Variants in CLPB observed in about 807,000 individuals in gnomAD.
The protein encoded by CLPB is mitochondrial disaggregase.
Under a neutral mutation model 78.4 loss-of-function variants are expected in CLPB, and 40 were observed. The ratio of observed to expected loss-of-function variants is 0.51; its 90% CI spans 0.40 to 0.66. CLPB has a LOEUF of 0.66. Among genes scored for constraint, CLPB ranks in the 30% least tolerant of loss-of-function variants. CLPB has a pLI of 0.00. For missense variants in CLPB, 780 were observed against 886.9 expected (o/e 0.88, Z 1.53); for synonymous variants, 333 against 348.0 (o/e 0.96, Z 0.48).
In CLPB at chr11:72,293,359, G is replaced by A. The variant is rs1159264841; in HGVS notation, c.*8C>T. The A allele has an allele frequency of 2.5e-6, 4 of 1,611,786 alleles. No individual in the cohort carries two copies. Among genetic ancestry groups the A allele is most frequent in the Non-Finnish European group, 3.4e-6 (4 of 1,178,122 alleles). ...TGGTGAGGGCACATAGGAGCAGGCA[G>A]GTGGCTGCTAGATGGTGTTGCACAC... On this transcript the variant is annotated 3_prime_UTR_variant, in exon 16 of 16. Coordinates refer to ENST00000538039, the MANE Select transcript of CLPB (RefSeq NM_001258392.3).
In CLPB at chr11:72,288,863, C is replaced by G. The variant is rs1235399848; in HGVS notation, c.*4504G>C. On this transcript the variant is annotated 3_prime_UTR_variant, in exon 16 of 16. Coordinates refer to ENST00000538039, the MANE Select transcript of CLPB (RefSeq NM_001258392.3). Reference sequence around the variant, plus strand: ...GTCCAACACCACCTAGGAGTTCTGGCAGAGAATCTCTGGAAGAAGTAATTC... The same window carrying G: ...GTCCAACACCACCTAGGAGTTCTGGGAGAGAATCTCTGGAAGAAGTAATTC... 6.6e-6 allele frequency: 1 copy of G among 152,166 alleles called. No individual in the cohort carries two copies. The highest frequency in any genetic ancestry group is 1.5e-5 in the Non-Finnish European group (1 of 68,038). 9.4% of individuals were successfully genotyped at this position (152,166 alleles called of 1,614,324 possible).
At chr11:72,418,903 T>A (rs1311162734) in intron 2 of CLPB, among the ~76,000 whole-genome samples, 1 of 149,998 alleles carries the variant, frequency 6.7e-6, no homozygotes, top group Non-Finnish European at 1.5e-5. Context: ...TGTATTTGCA[T>A]CCATTGACAG....
chr11:72,328,012 A>G (rs1382993174), intron 6 of CLPB, among the ~76,000 whole-genome samples: 2 of 152,172 alleles, frequency 1.3e-5, no homozygotes, highest in African/African-American at 4.8e-5. Flanking sequence ...TTGATTACCA[A>G]ATATTTCCAG....
intron 2 of CLPB, among the ~76,000 whole-genome samples, chr11:72,421,877 C>G (rs1856210473): frequency 6.6e-6 from 1 of 152,216 alleles, no homozygotes; most frequent in Non-Finnish European, 1.5e-5. Context: ...CTACGCCACT[C>G]TGTAGAACTG....
chr11:72,339,137 A>T (rs1467012597), intron 5 of CLPB, among the ~76,000 whole-genome samples: 1 of 152,258 alleles, frequency 6.6e-6, no homozygotes, highest in African/African-American at 2.4e-5. Flanking sequence ...TCAAATCTGC[A>T]GATGTAATTA....
chr11:72,331,355 G>A (rs991999990), intron 5 of CLPB, among the ~76,000 whole-genome samples: 8 of 150,664 alleles, frequency 5.3e-5, no homozygotes, highest in Non-Finnish European at 8.9e-5. Context: ...AGTGAGCAGA[G>A]ATCGCGCCAC....
chr11:72,318,479 A>T (rs1949989215), intron 6 of CLPB, among the ~76,000 whole-genome samples: 1 of 152,118 alleles, frequency 6.6e-6, no homozygotes, highest in African/African-American at 2.4e-5. Context: ...TGAAATGGAA[A>T]GGAATGACCA....
At chr11:72,359,165 A>G (rs1276090656) in intron 4 of CLPB, 157 bp from the exon 5 acceptor site, 2 of 1,106,486 alleles carry the variant, frequency 1.8e-6, no homozygotes, top group South Asian at 2.6e-5. Context: ...GTGCTGGGTA[A>G]GAAGAGGCAA....
intron 11 of CLPB, among the ~76,000 whole-genome samples, chr11:72,299,425 C>T (rs533544393): frequency 6.6e-6 from 1 of 152,296 alleles, no homozygotes; most frequent in East Asian, 1.9e-4. Context: ...TTAACTGGGC[C>T]CTGTTTACCT....
At chr11:72,327,068 C>T (rs555356761) in intron 6 of CLPB, among the ~76,000 whole-genome samples, 3 of 152,168 alleles carry the variant, frequency 2.0e-5, no homozygotes, top group African/African-American at 7.2e-5. Context: ...AGAGTGACAA[C>T]GGATGAAATG....
intron 2 of CLPB, among the ~76,000 whole-genome samples, chr11:72,427,742 T>A (rs1462221246): frequency 6.6e-6 from 1 of 152,242 alleles, no homozygotes; most frequent in Non-Finnish European, 1.5e-5. Context: ...TGGGTAAGTA[T>A]ACTCTATGAT....
chr11:72,310,403 T>C (rs1203918916), intron 7 of CLPB, among the ~76,000 whole-genome samples: 1 of 152,142 alleles, frequency 6.6e-6, no homozygotes, highest in African/African-American at 2.4e-5. Context: ...CCAGGATCTC[T>C]GGAAAGGCTG....
chr11:72,416,512 G>C (rs1364543819), intron 2 of CLPB, among the ~76,000 whole-genome samples: 1 of 152,022 alleles, frequency 6.6e-6, no homozygotes, highest in Non-Finnish European at 1.5e-5. Context: ...GAGGCAGGCA[G>C]ATCACCTGAG....
rs780612425 is a variant in CLPB, at chr11:72,295,565, C to T, written c.1413G>A (p.Glu471=). The change falls in exon 12 of 16, where the codon GAG becomes GAA. Residue 471 remains glutamate, a synonymous_variant. Transcript: ENST00000538039. The part of the protein sequence containing the change: ...FIMTSNVASD[E]IAQHALQLRQ... ...TCAGCTGCAGCGCGTGCTGTGCGAT[C>T]TCGTCGCTGGCCACATTGGAGGTCA... is the stretch of plus-strand genomic sequence containing the variant. 6.2e-7 allele frequency: 1 copy of T among 1,614,084 alleles called. No individual in the cohort carries two copies. The highest frequency in any genetic ancestry group is 8.5e-7 in the Non-Finnish European group (1 of 1,180,038).
At chr11:72,311,962 C>T (rs983376112) in intron 7 of CLPB, among the ~76,000 whole-genome samples, 2 of 152,224 alleles carry the variant, frequency 1.3e-5, no homozygotes, top group Admixed American at 6.5e-5. Flanking sequence ...TTTTGATTCA[C>T]TCCACCACAC....
chr11:72,403,980 C>A (rs980177173), intron 2 of CLPB, among the ~76,000 whole-genome samples: 1 of 152,118 alleles, frequency 6.6e-6, no homozygotes, highest in South Asian at 2.1e-4. Flanking sequence ...TAAGAGTAAT[C>A]GCCTCTTTTC....
rs541737175 is a variant in CLPB, at chr11:72,291,187, G to A, written c.*2180C>T. 80 of 152,346 alleles carry A rather than the reference G, an allele frequency of 5.3e-4. No individual in the cohort carries two copies. Among genetic ancestry groups the A allele is most frequent in the African/African-American group, 1.9e-3 (77 of 41,578 alleles). 9.4% of individuals were successfully genotyped at this position (152,346 alleles called of 1,614,324 possible). A position where few individuals can be genotyped will look rare whatever the true frequency, so the allele number is the denominator to read the frequency against. ...GAAACTGTCACAGGCTGACAGAGAT[G>A]AAGGAAACACCACAACAAAATGCAA... is the stretch of plus-strand genomic sequence containing the variant. On this transcript the variant is annotated 3_prime_UTR_variant, in exon 16 of 16. Transcript: ENST00000538039.
At chr11:72,297,939 TCTC>T (rs1447894757) in intron 11 of CLPB, among the ~76,000 whole-genome samples, 1 of 152,062 alleles carries the variant, frequency 6.6e-6, no homozygotes, top group African/African-American at 2.4e-5. Context: ...AGTGCTCATG[TCTC>T]CTCCTCAGTT....
intron 6 of CLPB, 64 bp from the exon 7 acceptor site, chr11:72,317,284 T>A: frequency 8.1e-7 from 1 of 1,235,744 alleles, no homozygotes; most frequent in Non-Finnish European, 1.1e-6. Flanking sequence ...CTTCACTCTA[T>A]CCCCCAACTC....
Sources: gnomAD v4.1 joint callset for allele counts (sites outside exome capture counted in the v4.1 genomes callset) on GRCh38, gnomAD v4.1.1 for gene constraint, MANE v1.5 for transcripts, NCBI Gene and HGNC (gene_info 2026-07-23, HGNC 2026-07-21) for gene names.